Variants in PPP3R1 observed in about 807,000 individuals in gnomAD.
PPP3R1 encodes calcineurin subunit B type 1.
Under a neutral mutation model 22.6 loss-of-function variants are expected in PPP3R1, and 5 were observed. The ratio of observed to expected loss-of-function variants is 0.22; its 90% CI spans 0.12 to 0.46. The LOEUF (loss-of-function observed/expected upper bound fraction) is 0.46, where lower values mean the gene tolerates loss of function less well. Among genes scored for constraint, PPP3R1 ranks in the 20% least tolerant of loss-of-function variants. PPP3R1 has a pLI of 0.99. For synonymous variants in PPP3R1, 56 were observed against 65.2 expected, an observed-to-expected ratio of 0.86 and a Z score of 0.68; for missense variants, 61 against 203.2, an observed-to-expected ratio of 0.30 and a Z score of 4.25.
rs1670378064 is a variant in PPP3R1 at position 68,252,145 on chromosome 2, C to T, written c.-18G>A. 2 of 1,426,310 alleles carry T rather than the reference C, an allele frequency of 1.4e-6. No homozygotes were observed. Among genetic ancestry groups the T allele is most frequent in the South Asian group, 1.4e-5 (1 of 72,954 alleles). 88.4% of individuals were successfully genotyped at this position (1,426,310 alleles called of 1,614,324 possible). ...CTCACCATTTTGCTCGGCGGGTCGG[C>T]GGCTCGCTGGCTCGCTGGCTCGGAG... On this transcript the variant is annotated 5_prime_UTR_variant, in exon 1 of 6. Transcript: ENST00000234310.
chr2:68,227,901 C>G (rs1388627597), intron 1 of PPP3R1, among the ~76,000 whole-genome samples: 1 of 152,056 alleles, frequency 6.6e-6, no homozygotes, highest in Non-Finnish European at 1.5e-5. Context: ...TGTAGATAGT[C>G]ATACCATCTG....
At chr2:68,240,287 T>C (rs971180169) in intron 1 of PPP3R1, among the ~76,000 whole-genome samples, 1 of 152,222 alleles carries the variant, frequency 6.6e-6, no homozygotes, top group Non-Finnish European at 1.5e-5. Flanking sequence ...ACTTCACTTC[T>C]ATTTTCTACC....
At chr2:68,249,434 T>C (rs912364505) in intron 1 of PPP3R1, among the ~76,000 whole-genome samples, 1 of 152,014 alleles carries the variant, frequency 6.6e-6, no homozygotes, top group African/African-American at 2.4e-5. Context: ...TAAAAAAAAA[T>C]TTAAAAGTTT....
chr2:68,226,383 A>G (rs940183072), intron 1 of PPP3R1, among the ~76,000 whole-genome samples: 5 of 152,230 alleles, frequency 3.3e-5, no homozygotes, highest in Non-Finnish European at 7.4e-5. Context: ...AGTCCCAAAT[A>G]TAATGGAATT....
chr2:68,235,850 C>A (rs562952600), intron 1 of PPP3R1, among the ~76,000 whole-genome samples: 2 of 152,304 alleles, frequency 1.3e-5, no homozygotes, highest in South Asian at 2.1e-4. Context: ...ACATCCTTGA[C>A]AATACTTATC....
intron 2 of PPP3R1, among the ~76,000 whole-genome samples, chr2:68,198,248 C>T (rs1221569566): frequency 7.0e-6 from 1 of 143,378 alleles, no homozygotes; most frequent in African/African-American, 2.6e-5. Flanking sequence ...CACATATGTA[C>T]ATACATATGT....
At chr2:68,203,868 T>C (rs1057162045) in intron 2 of PPP3R1, among the ~76,000 whole-genome samples, 4 of 152,332 alleles carry the variant, frequency 2.6e-5, no homozygotes, top group African/African-American at 7.2e-5. Flanking sequence ...CAGTTCATTA[T>C]GCAAAAGGAG....
Position 68,252,160 on chromosome 2 carries a change from C to G in PPP3R1, c.-33G>C. On this transcript the variant is annotated 5_prime_UTR_variant, in exon 1 of 6. Transcript: ENST00000234310. ...GGCGGGTCGGCGGCTCGCTGGCTCG[C>G]TGGCTCGGAGAAGTGTTGCGCTCAG... 1 of 1,405,628 alleles carries G rather than the reference C, an allele frequency of 7.1e-7. No individual in the cohort carries two copies. Among genetic ancestry groups the G allele is most frequent in the Non-Finnish European group, 9.5e-7 (1 of 1,057,374 alleles). 87.1% of individuals were successfully genotyped at this position (1,405,628 alleles called of 1,614,324 possible).
intron 1 of PPP3R1, among the ~76,000 whole-genome samples, chr2:68,232,884 G>C (rs1669945984): frequency 6.6e-6 from 1 of 152,146 alleles, no homozygotes; most frequent in Non-Finnish European, 1.5e-5. Flanking sequence ...TGGGATTATA[G>C]GCTTGAGCCA....
At position 68,220,151 on chromosome 2, in the gene PPP3R1, G is replaced by GA. The variant is rs1427123379; in HGVS notation, c.4-3021dup. On this transcript the variant is annotated intron_variant, in intron 1 of 5. Transcript: ENST00000234310. ...TCTATGTCCCAGCTTACTGTCTGGA[G>GA]AAAGTTTCCAGGTTGCAGCACAGGA... 6.6e-5 allele frequency among the ~76,000 whole-genome samples: 10 copies of GA among 152,308 alleles called. No homozygotes were observed. In the South Asian group the frequency reaches 2.1e-3, roughly 32 times the overall value.
chr2:68,181,863 A>G (rs1674412002), intron 5 of PPP3R1, among the ~76,000 whole-genome samples: 1 of 152,226 alleles, frequency 6.6e-6, no homozygotes, highest in Non-Finnish European at 1.5e-5. Flanking sequence ...AGTCAAATAC[A>G]TGTAGTCATA....
chr2:68,179,636 T>C lies in PPP3R1; in HGVS notation c.*1327A>G, dbSNP rs553150084. 2 of 152,360 alleles carry C rather than the reference T, an allele frequency of 1.3e-5. No homozygotes were observed. Among genetic ancestry groups the C allele is most frequent in the East Asian group, 1.9e-4 (1 of 5,194 alleles). The allele number at this position is 152,360 out of a possible 1,614,324, so 9.4% of individuals were successfully genotyped here. ...GTTTTTCTTCCAGCTAACAGTACCT[T>C]TGCAGAAATGGGAAGGGATAAGATC... On this transcript the variant is annotated 3_prime_UTR_variant, in exon 6 of 6. Transcript: ENST00000234310.
chr2:68,217,779 T>G (rs557181484), intron 1 of PPP3R1, among the ~76,000 whole-genome samples: 1 of 152,200 alleles, frequency 6.6e-6, no homozygotes, highest in African/African-American at 2.4e-5. Flanking sequence ...TCCTAATTTA[T>G]ATATAAAAAA....
chr2:68,242,157 G>A (rs996679615), intron 1 of PPP3R1, among the ~76,000 whole-genome samples: 7 of 152,274 alleles, frequency 4.6e-5, no homozygotes, highest in Middle Eastern at 3.4e-3. Context: ...CACCAGGCGC[G>A]GTGGCTCACG....
At chr2:68,232,237 G>A (rs74183131) in intron 1 of PPP3R1, among the ~76,000 whole-genome samples, 7 of 59,266 alleles carry the variant, frequency 1.2e-4, no homozygotes, top group African/African-American at 5.0e-4. Context: ...GTGTGTGTGT[G>A]TGTGTGTGTG....
chr2:68,209,720 T>C (rs1669439875), intron 2 of PPP3R1, among the ~76,000 whole-genome samples: 2 of 152,242 alleles, frequency 1.3e-5, no homozygotes, highest in Non-Finnish European at 1.5e-5. Context: ...GTAATGCTAC[T>C]GCACTCCAGC....
At chr2:68,187,675 A>ATT (rs1178269553) in intron 3 of PPP3R1, among the ~76,000 whole-genome samples, 3 of 152,224 alleles carry the variant, frequency 2.0e-5, no homozygotes, top group Non-Finnish European at 4.4e-5. Context: ...CACACACAAA[A>ATT]AACTTTAGCC....
intron 1 of PPP3R1, among the ~76,000 whole-genome samples, chr2:68,228,413 T>C (rs1326455022): frequency 2.0e-5 from 3 of 152,172 alleles, no homozygotes; most frequent in Admixed American, 1.3e-4. Context: ...AGAGGTGTGA[T>C]AGTTTGTGTT....
chr2:68,228,099 G>C (rs1030673507), intron 1 of PPP3R1, among the ~76,000 whole-genome samples: 5 of 152,054 alleles, frequency 3.3e-5, no homozygotes, highest in African/African-American at 1.2e-4. Context: ...TTTCACAGAT[G>C]TTCTTTATTC....
Sources: gnomAD v4.1 joint callset for allele counts (sites outside exome capture counted in the v4.1 genomes callset) on GRCh38, gnomAD v4.1.1 for gene constraint, MANE v1.5 for transcripts, NCBI Gene and HGNC (gene_info 2026-07-23, HGNC 2026-07-21) for gene names.